NCOA2: variants seen among roughly 807,000 people sequenced by gnomAD.
The protein encoded by NCOA2 is nuclear receptor coactivator 2.
A neutral mutation model predicts 145.1 loss-of-function variants in NCOA2; 21 were observed. That is an observed-to-expected ratio of 0.14 (90% CI 0.10 to 0.21). The LOEUF is 0.21. NCOA2 is among the 10% of genes least tolerant of loss of function. The pLI, the probability that NCOA2 is intolerant of heterozygous loss-of-function variation, is 1.00. For synonymous variants in NCOA2, 619 were observed against 637.5 expected, an observed-to-expected ratio of 0.97 and a Z score of 0.44; for missense variants, 1,472 against 1,837.6, an observed-to-expected ratio of 0.80 and a Z score of 3.64.
intron 1 of NCOA2, among the ~76,000 whole-genome samples, chr8:70,350,754 T>A (rs1415804048): frequency 1.3e-5 from 2 of 152,348 alleles, no homozygotes; most frequent in African/African-American, 2.4e-5. Context: ...CCAAATTCAA[T>A]AATTTGTTTT....
intron 1 of NCOA2, among the ~76,000 whole-genome samples, chr8:70,362,648 C>T (rs1219815146): frequency 6.6e-6 from 1 of 152,118 alleles, no homozygotes; most frequent in African/African-American, 2.4e-5. Flanking sequence ...AAAAACCTGG[C>T]AATACCAAGT....
At chr8:70,425,369 G>T in the NCOA2 span, among the ~76,000 whole-genome samples, 7 of 152,050 alleles carry the variant, frequency 4.6e-5, no homozygotes, top group Admixed American at 6.6e-5. Flanking sequence ...TGACTCCTGA[G>T]AATTTAGTGG....
chr8:70,189,215 G>C (rs1816402427), intron 4 of NCOA2, among the ~76,000 whole-genome samples: 2 of 152,134 alleles, frequency 1.3e-5, no homozygotes, highest in Admixed American at 6.5e-5. Flanking sequence ...GGCATTGCTA[G>C]GCTCTTAGGT....
chr8:70,417,668 G>A, the NCOA2 span, among the ~76,000 whole-genome samples: 9 of 152,222 alleles, frequency 5.9e-5, no homozygotes, highest in South Asian at 6.2e-4. Flanking sequence ...TTTTTTACCC[G>A]GTCAGGTGAC....
At chr8:70,391,539 C>T (rs1586670169) in intron 1 of NCOA2, among the ~76,000 whole-genome samples, 1 of 152,182 alleles carries the variant, frequency 6.6e-6, no homozygotes, top group African/African-American at 2.4e-5. Flanking sequence ...AAGCAATAAG[C>T]TCTCAAAGGT....
chr8:70,161,103 T>C (rs1440860936), intron 9 of NCOA2, among the ~76,000 whole-genome samples: 1 of 152,214 alleles, frequency 6.6e-6, no homozygotes, highest in Non-Finnish European at 1.5e-5. Flanking sequence ...TAAACAACGC[T>C]TTGCAGTAGA....
At chr8:70,298,783 C>T (rs116171453) in intron 1 of NCOA2, among the ~76,000 whole-genome samples, 1,681 of 152,190 alleles carry the variant, frequency 0.011, 40 homozygotes, top group African/African-American at 0.038. Flanking sequence ...AGATGTTAGC[C>T]GGGCGCGGTG....
At chr8:70,405,497 C>G (rs532291136), upstream of NCOA2, among the ~76,000 whole-genome samples, 7 of 105,536 alleles carry the variant, frequency 6.6e-5, no homozygotes, top group Middle Eastern at 9.6e-3. Context: ...ATTATGTTCC[C>G]AAAGCGTTGA....
chr8:70,453,997 A>C, the NCOA2 span, among the ~76,000 whole-genome samples: 2 of 152,238 alleles, frequency 1.3e-5, no homozygotes, highest in Non-Finnish European at 2.9e-5. Flanking sequence ...TGTTTCATTT[A>C]AAGTAACTCT....
chr8:70,150,525 C>A (rs984930245), intron 11 of NCOA2, among the ~76,000 whole-genome samples: 1 of 152,202 alleles, frequency 6.6e-6, no homozygotes, highest in African/African-American at 2.4e-5. Context: ...TGTCACCCAC[C>A]TCATGATCAC....
chr8:70,245,089 A>C (rs1822498750), intron 2 of NCOA2: 1 of 152,048 alleles, frequency 6.6e-6, no homozygotes, highest in African/African-American at 2.4e-5. Flanking sequence ...AAATACAAAT[A>C]CCATACATCA....
chr8:70,398,096 C>T (rs928139733), intron 1 of NCOA2, among the ~76,000 whole-genome samples: 14 of 152,040 alleles, frequency 9.2e-5, no homozygotes, highest in African/African-American at 3.4e-4. Context: ...ACTCATCAAA[C>T]GACTAAACGA....
intron 19 of NCOA2, 51 bp downstream of exon 19, chr8:70,126,762 A>G: frequency 6.8e-7 from 1 of 1,461,258 alleles, no homozygotes. Context: ...ACACTGGGGG[A>G]CACTGGGGAG....
chr8:70,274,342 T>C (rs1334872219), intron 2 of NCOA2, among the ~76,000 whole-genome samples: 1 of 152,172 alleles, frequency 6.6e-6, no homozygotes, highest in Non-Finnish European at 1.5e-5. Context: ...CCATATCTAC[T>C]CCATTAGGAT....
intron 2 of NCOA2, among the ~76,000 whole-genome samples, chr8:70,259,995 C>G (rs1325290473): frequency 6.6e-6 from 1 of 152,228 alleles, no homozygotes; most frequent in Non-Finnish European, 1.5e-5. Context: ...TAAAGAAAAT[C>G]TGACAACAAG....
intron 4 of NCOA2, among the ~76,000 whole-genome samples, chr8:70,201,363 C>A (rs4645588): frequency 6.6e-6 from 1 of 152,130 alleles, no homozygotes; most frequent in Admixed American, 6.5e-5. Context: ...GACTAGCAAT[C>A]ATAATCTCCA....
At position 70,359,013 on chromosome 8, in the gene NCOA2, A is replaced by C. The variant is rs1312262240; in HGVS notation, c.-77+44687T>G. Among the ~76,000 whole-genome samples, 3 of 152,192 alleles carry C rather than the reference A, an allele frequency of 2.0e-5. No homozygotes were observed. In the East Asian group the frequency reaches 5.8e-4, roughly 29 times the overall value. ...GGTCACTAGGGAAATTTAAATAAAA[A>C]CTGCAATGAGATAACCACTTTACAC... On this transcript the variant is annotated intron_variant, in intron 1 of 22. Transcript: ENST00000452400.
intron 18 of NCOA2, among the ~76,000 whole-genome samples, chr8:70,127,342 T>C (rs1343855760): frequency 6.6e-6 from 1 of 152,216 alleles, no homozygotes; most frequent in Non-Finnish European, 1.5e-5. Flanking sequence ...GATCTCAAAA[T>C]AACACAGTCC....
At chr8:70,326,473 G>GCACACA (rs771384690) in intron 1 of NCOA2, among the ~76,000 whole-genome samples, 9 of 143,424 alleles carry the variant, frequency 6.3e-5, no homozygotes, top group African/African-American at 2.3e-4. Context: ...ACACACACAT[G>GCACACA]CACACACACA....
Sources: allele counts gnomAD v4.1 joint callset (sites outside exome capture counted in the v4.1 genomes callset), GRCh38; gene constraint gnomAD v4.1.1; transcripts MANE v1.5; gene names NCBI Gene and HGNC (gene_info 2026-07-23, HGNC 2026-07-21).